The following ENOSF1 variants were observed in gnomAD, a reference collection of about 807,000 sequenced individuals.
ENOSF1 encodes enolase superfamily member 1, also known as mitochondrial enolase superfamily member 1.
Under a neutral mutation model 68.2 loss-of-function variants are expected in ENOSF1, and 73 were observed. The observed-to-expected ratio is 1.07, with a 90% CI of 0.89 to 1.30. ENOSF1 has a LOEUF of 1.30. Among genes scored for constraint, ENOSF1 ranks in the 50% most tolerant of loss-of-function variants. The pLI is 0.00. For synonymous variants in ENOSF1, 223 were observed against 210.4 expected (o/e 1.06, Z -0.52); for missense variants, 589 against 554.5 (o/e 1.06, Z -0.62).
intron 11 of ENOSF1, among the ~76,000 whole-genome samples, chr18:681,969 G>A (rs1001612139): frequency 6.6e-6 from 1 of 152,182 alleles, no homozygotes; most frequent in African/African-American, 2.4e-5. Flanking sequence ...TACGACCCAT[G>A]AATTTATGTG....
chr18:690,733 T>C (rs750028086), intron 7 of ENOSF1, 102 bp from the exon 8 acceptor site: 70 of 1,210,714 alleles, frequency 5.8e-5, no homozygotes, highest in South Asian at 4.3e-4. Context: ...CCAGCTGTTC[T>C]CCTGATCCGG....
intron 2 of ENOSF1, among the ~76,000 whole-genome samples, chr18:705,709 T>C (rs1408868770): frequency 6.6e-6 from 1 of 151,230 alleles, no homozygotes; most frequent in Non-Finnish European, 1.5e-5. Context: ...ACCGATTTGG[T>C]GTGAAATATT....
intron 13 of ENOSF1, 93 bp from the exon 14 acceptor site, chr18:677,537 G>A (rs2075636273): frequency 8.0e-7 from 1 of 1,248,270 alleles, no homozygotes; most frequent in African/African-American, 1.5e-5. Flanking sequence ...TTGCCCACAG[G>A]TGATTAAATC....
chr18:675,533 C>T (rs1038757364), intron 14 of ENOSF1, 131 bp from the exon 15 acceptor site: 20 of 762,538 alleles, frequency 2.6e-5, no homozygotes, highest in Non-Finnish European at 3.8e-5. Flanking sequence ...TGTTACCATG[C>T]GTTTCTAGGC....
chr18:708,023 CT>C (rs35107796), intron 1 of ENOSF1, among the ~76,000 whole-genome samples: 59,193 of 137,474 alleles, frequency 0.43, 12,269 homozygotes, highest in South Asian at 0.48. Context: ...CTATGACCAG[CT>C]TTTTTTTTTT....
In ENOSF1 at chr18:670,421, C is replaced by G; in HGVS notation, c.*3884G>C. 2.7e-6 allele frequency: 1 copy of G among 370,332 alleles called. No homozygotes were observed. The highest frequency in any genetic ancestry group is 4.9e-6 in the Non-Finnish European group (1 of 205,118). The allele number at this position is 370,332 out of a possible 1,614,324, so 22.9% of individuals were successfully genotyped here. On this transcript the variant is annotated 3_prime_UTR_variant, in exon 16 of 16. Coordinates refer to ENST00000647584, the MANE Select transcript of ENOSF1 (RefSeq NM_017512.7). ...TCCTGCTGTATTTGTAATCTGGTGCCACGAGGTAGCCCAGATCCCTTCAGC... is the reference window on the plus strand; with the variant it reads ...TCCTGCTGTATTTGTAATCTGGTGCGACGAGGTAGCCCAGATCCCTTCAGC...
chr18:674,131 G>A lies in ENOSF1; in HGVS notation c.*174C>T. On this transcript the variant is annotated 3_prime_UTR_variant, in exon 16 of 16. Coordinates refer to ENST00000647584, the MANE Select transcript of ENOSF1 (RefSeq NM_017512.7). Reference sequence around the variant, plus strand: ...AGGATTAAGTAGGATAACGTGCATTGATTTGCTAAAAGAATCAAGTAATAA... The same window carrying A: ...AGGATTAAGTAGGATAACGTGCATTAATTTGCTAAAAGAATCAAGTAATAA... 1 of 573,736 alleles carries A rather than the reference G, an allele frequency of 1.7e-6. No homozygotes were observed. Among genetic ancestry groups the A allele is most frequent in the Non-Finnish European group, 3.1e-6 (1 of 324,580 alleles). The allele number at this position is 573,736 out of a possible 1,614,324, so 35.5% of individuals were successfully genotyped here. A position where few individuals can be genotyped will look rare whatever the true frequency, so the allele number is the denominator to read the frequency against.
chr18:665,129 CTG>C, the ENOSF1 span, among the ~76,000 whole-genome samples: 1 of 149,370 alleles, frequency 6.7e-6, no homozygotes, highest in Non-Finnish European at 1.5e-5. Context: ...TAGAATTCGG[CTG>C]TGAATCCATC....
Position 693,307 on chromosome 18 carries a change from G to C in ENOSF1, c.423+575C>G, listed in dbSNP as rs910476195. 4.0e-6 allele frequency: 5 copies of C among 1,251,006 alleles called. No individual in the cohort carries two copies. The Admixed American group carries it at 1.1e-4, about 26-fold the overall frequency. 77.5% of individuals were successfully genotyped at this position (1,251,006 alleles called of 1,614,324 possible). A position where few individuals can be genotyped will look rare whatever the true frequency, so the allele number is the denominator to read the frequency against. On this transcript the variant is annotated intron_variant, in intron 5 of 15. Transcript: ENST00000647584. Reference sequence around the variant, plus strand: ...CTGATCTTATTCTTGGTGTCAAAGTGACTGGATAGTATCTTTTCTTTTTTC... The same window carrying C: ...CTGATCTTATTCTTGGTGTCAAAGTCACTGGATAGTATCTTTTCTTTTTTC...
chr18:702,884 C>T (rs1304201588), intron 2 of ENOSF1, among the ~76,000 whole-genome samples: 1 of 152,154 alleles, frequency 6.6e-6, no homozygotes, highest in Non-Finnish European at 1.5e-5. Context: ...TGAAAAACAA[C>T]CCTCCCTCTC....
At chr18:697,919 G>A (rs1285542787) in intron 2 of ENOSF1, among the ~76,000 whole-genome samples, 2 of 152,026 alleles carry the variant, frequency 1.3e-5, no homozygotes, top group East Asian at 1.9e-4. Context: ...TCAGCTTCTC[G>A]AGAAGCTAGG....
intron 14 of ENOSF1, among the ~76,000 whole-genome samples, chr18:676,630 ATTTC>A (rs757687524): frequency 3.3e-5 from 5 of 152,218 alleles, no homozygotes; most frequent in Non-Finnish European, 7.3e-5. Context: ...AGTCTCAGGT[ATTTC>A]TTTATAGCAG....
At chr18:669,061 C>T, downstream of ENOSF1, 2 of 1,609,908 alleles carry the variant, frequency 1.2e-6, no homozygotes, top group South Asian at 1.1e-5. Context: ...CTCTTTTTGA[C>T]AATTCTACAG....
At chr18:666,593 G>A (rs2074820111), downstream of ENOSF1, among the ~76,000 whole-genome samples, 2 of 152,192 alleles carry the variant, frequency 1.3e-5, no homozygotes, top group South Asian at 4.1e-4. Flanking sequence ...CTGGAGAGCA[G>A]GTGTCTCATC....
chr18:681,098 G>A (rs529330177), intron 11 of ENOSF1, among the ~76,000 whole-genome samples: 10 of 152,234 alleles, frequency 6.6e-5, no homozygotes, highest in Admixed American at 2.0e-4. Flanking sequence ...CTGACCTCAG[G>A]TGATCCACCC....
chr18:664,881 G>T, the ENOSF1 span, among the ~76,000 whole-genome samples: 2 of 140,852 alleles, frequency 1.4e-5, no homozygotes, highest in African/African-American at 5.7e-5. Flanking sequence ...CATGATCATG[G>T]TGGATAAGCT....
chr18:694,397 G>A, intron 3 of ENOSF1, 63 bp from the exon 4 acceptor site: 1 of 1,475,502 alleles, frequency 6.8e-7, no homozygotes, highest in Non-Finnish European at 9.4e-7. Flanking sequence ...GGGTGTGATG[G>A]CTCATGCCTG....
chr18:677,865 T>C lies in ENOSF1; in HGVS notation c.926A>G (p.Asn309Ser), dbSNP rs182625199. 81 of 1,612,490 alleles carry C rather than the reference T, an allele frequency of 5.0e-5. No individual in the cohort carries two copies. The African/African-American group carries it at 7.5e-4, about 15-fold the overall frequency. ...IGIATGEQCHNRVIFKQLLQA... is the reference protein window; with the variant it reads ...IGIATGEQCHSRVIFKQLLQA... ...TAGGAGTTGCTTAAATATCACTCTA[T>C]TGTGGCACTGGAAATAGAATTGAAA... Residue 309 changes from asparagine (N) to serine (S), a missense_variant, in exon 13 of 16, where the codon AAT (asparagine) becomes AGT (serine). By Grantham distance (46) the Asn-to-Ser change is conservative. Coordinates refer to ENST00000647584, the MANE Select transcript of ENOSF1 (RefSeq NM_017512.7).
Position 673,112 on chromosome 18 carries a change from G to A in ENOSF1, c.*1193C>T, listed in dbSNP as rs2075142038. 11 of 1,148,002 alleles carry A rather than the reference G, an allele frequency of 9.6e-6. No individual in the cohort carries two copies. The highest frequency in any genetic ancestry group is 4.8e-5 in the Admixed American group (2 of 41,828). The allele number at this position is 1,148,002 out of a possible 1,614,324, so 71.1% of individuals were successfully genotyped here. On this transcript the variant is annotated 3_prime_UTR_variant, in exon 16 of 16. Coordinates refer to ENST00000647584, the MANE Select transcript of ENOSF1 (RefSeq NM_017512.7). ...AAGGAACTAGGTCAAAAATCTGTCC[G>A]TGACCTATCAGTTATTAATTTTTAA...
Sources: gnomAD v4.1 joint callset for allele counts (sites outside exome capture counted in the v4.1 genomes callset) on GRCh38, gnomAD v4.1.1 for gene constraint, MANE v1.5 for transcripts, NCBI Gene and HGNC (gene_info 2026-07-23, HGNC 2026-07-21) for gene names.